The following LCN8 variants were observed in gnomAD, a reference collection of about 807,000 sequenced individuals.
LCN8 encodes epididymal-specific lipocalin-8.
A neutral mutation model predicts 22.8 loss-of-function variants in LCN8; 16 were observed. The ratio of observed to expected loss-of-function variants is 0.70; its 90% CI spans 0.47 to 1.06. The LOEUF (loss-of-function observed/expected upper bound fraction) is 1.06, where lower values mean the gene tolerates loss of function less well. Ranked by LOEUF, LCN8 falls within the 50% of genes least tolerant of loss-of-function variation. The pLI is 0.00. For synonymous variants in LCN8, 92 were observed against 83.4 expected (o/e 1.10, Z -0.56); for missense variants, 189 against 203.3 (o/e 0.93, Z 0.43).
At chr9:136,757,218 C>A in intron 1 of LCN8, 50 bp from the exon 2 acceptor site, 1 of 1,588,926 alleles carries the variant, frequency 6.3e-7, no homozygotes, top group East Asian at 2.3e-5. Context: ...GTCTGAGACC[C>A]CCAGGGGCAT....
At chr9:136,757,230 C>T (rs1200929308) in intron 1 of LCN8, 62 bp from the exon 2 acceptor site, 1 of 1,570,268 alleles carries the variant, frequency 6.4e-7, no homozygotes, top group Non-Finnish European at 8.6e-7. Flanking sequence ...CAGGGGCATT[C>T]CACGAACCCC....
chr9:136,757,648 G>A (rs1287063511), intron 1 of LCN8: 19 of 1,423,476 alleles, frequency 1.3e-5, no homozygotes, highest in South Asian at 4.6e-5. Context: ...CGGGACTTCC[G>A]CTGAGACTTT....
chr9:136,754,602 C>A, intron 6 of LCN8, 93 bp from the exon 7 acceptor site: 2 of 1,498,754 alleles, frequency 1.3e-6, no homozygotes, highest in Non-Finnish European at 1.8e-6. Context: ...CTTCTGTCCT[C>A]GCTGCCTGGT....
chr9:136,756,222 G>C, intron 3 of LCN8: 3 of 1,101,806 alleles, frequency 2.7e-6, no homozygotes, highest in Non-Finnish European at 3.6e-6. Flanking sequence ...ATGGGGAACA[G>C]TGCAGGGAAC....
At chr9:136,754,776 C>A in intron 6 of LCN8, 1 of 1,374,158 alleles carries the variant, frequency 7.3e-7, no homozygotes, top group Non-Finnish European at 9.4e-7. Flanking sequence ...TGTGCCCCGC[C>A]GCCGACGGGA....
At position 136,754,452 on chromosome 9, in the gene LCN8, G is replaced by C; in HGVS notation, c.*46C>G. 6.4e-7 allele frequency: 1 copy of C among 1,554,388 alleles called. No homozygotes were observed. The highest frequency in any genetic ancestry group is 1.2e-5 in the South Asian group (1 of 84,456). The stretch of plus-strand genomic sequence containing the variant: ...TGGGCAGGGTGCCCAGGAGGGGCAG[G>C]GGTGGGCGGGCGCTCCGAACCTTGT... On this transcript the variant is annotated 3_prime_UTR_variant, in exon 7 of 7. Transcript: ENST00000371688.
In LCN8 at chr9:136,758,064, G is replaced by C; in HGVS notation, c.-134C>G. On this transcript the variant is annotated 5_prime_UTR_variant, in exon 1 of 7. Transcript: ENST00000371688. ...GGGCCGATTCTATACGGACAGTGCA[G>C]GCTTGTGCGCCCACCCGGGAATGTC... 2.7e-6 allele frequency: 4 copies of C among 1,508,062 alleles called. No homozygotes were observed. The highest frequency in any genetic ancestry group is 3.6e-6 in the Non-Finnish European group (4 of 1,124,786). The allele number at this position is 1,508,062 out of a possible 1,614,324, so 93.4% of individuals were successfully genotyped here.
At chr9:136,756,054 G>A in intron 3 of LCN8, 1 of 1,297,520 alleles carries the variant, frequency 7.7e-7, no homozygotes, top group Non-Finnish European at 1.0e-6. Context: ...GCAGGGAGCA[G>A]TGCGGGGAAC....
chr9:136,757,088 C>T lies in LCN8; in HGVS notation c.105G>A (p.Leu35=), dbSNP rs146461511. Residue 35 remains leucine, a synonymous_variant, in exon 2 of 7, where the codon TTG becomes TTA. Coordinates refer to ENST00000371688, the MANE Select transcript of LCN8 (RefSeq NM_178469.4). The part of the protein sequence containing the change: ...VLTAPKRVEG[L]FLTLSGSNLT... ...GGTTACTCCCGCTCAAGGTGAGGAA[C>T]AAGCCCTCCACCCGCTTCGGGGCCG... 3.1e-6 allele frequency: 5 copies of T among 1,613,602 alleles called. No homozygotes were observed. The highest frequency in any genetic ancestry group is 3.4e-6 in the Non-Finnish European group (4 of 1,179,858).
At chr9:136,756,472 C>T (rs1847203226) in intron 3 of LCN8, 50 bp downstream of exon 3, 2 of 1,613,980 alleles carry the variant, frequency 1.2e-6, no homozygotes, top group Admixed American at 1.7e-5. Flanking sequence ...TAAGGCCTAG[C>T]TGTGTGCACA....
At chr9:136,756,215 G>A in intron 3 of LCN8, 1 of 1,107,688 alleles carries the variant, frequency 9.0e-7, no homozygotes, top group East Asian at 4.4e-5. Flanking sequence ...GAACAGCATG[G>A]GGAACAGTGC....
In LCN8 at chr9:136,755,500, G is replaced by A. The variant is rs145380406; in HGVS notation, c.243C>T (p.His81=). The A allele has an allele frequency of 1.2e-5, 20 of 1,612,552 alleles. No homozygotes were observed. The highest frequency in any genetic ancestry group is 2.2e-5 in the East Asian group (1 of 44,844). The change falls in exon 4 of 7, where the codon CAC becomes CAT. Residue 81 remains histidine, a synonymous_variant. Transcript: ENST00000371688. Reference sequence around the variant, plus strand: ...AGCCCTCGTAGTCGGTGTCCAGCACGTGGATCTCTCTGTGGCCTTCAAGAG... The same window carrying A: ...AGCCCTCGTAGTCGGTGTCCAGCACATGGATCTCTCTGTGGCCTTCAAGAG... ...KFAFPGHREI[H]VLDTDYEGYA...
rs199795045 is a variant in LCN8 at position 136,757,915 on chromosome 9, G to T, written c.16C>A (p.Arg6=). MEELD[R]QKIGGFWREV... is the part of the protein sequence containing the mutation. ...TAAGAAGGAGAAGCCACCTTCTGCC[G>T]GTCCAGCTCCTCCATGGCTGCTGCC... Residue 6 remains arginine (R), a synonymous_variant, in exon 1 of 7, where the codon CGG becomes AGG. Transcript: ENST00000371688. 24 of 1,613,716 alleles carry T rather than the reference G, an allele frequency of 1.5e-5. No individual in the cohort carries two copies. The highest frequency in any genetic ancestry group is 1.5e-4 in the African/African-American group (11 of 75,050).
At position 136,754,524 on chromosome 9, in the gene LCN8, T is replaced by G; in HGVS notation, c.448-15A>C. The G allele has an allele frequency of 4.5e-6, 7 of 1,551,968 alleles. No individual in the cohort carries two copies. The highest frequency in any genetic ancestry group is 6.1e-6 in the Non-Finnish European group (7 of 1,147,622). On this transcript the variant is annotated splice_polypyrimidine_tract_variant and intron_variant, in intron 6 of 6. Coordinates refer to ENST00000371688, the MANE Select transcript of LCN8 (RefSeq NM_178469.4). ...TAAATCAGCTCCTGCGACACAGAAGTGCAGGGGCTCAGGCCCGTGTGGTCT... is the reference window on the plus strand; with the variant it reads ...TAAATCAGCTCCTGCGACACAGAAGGGCAGGGGCTCAGGCCCGTGTGGTCT...
chr9:136,757,180 C>A lies in LCN8; in HGVS notation c.25-12G>T. On this transcript the variant is annotated splice_polypyrimidine_tract_variant and intron_variant, in intron 1 of 6. Transcript: ENST00000371688. ...CAGAATCCTCCAATCTAGAGAGATACGGAGCCTGGCCAAGAGCTGAGCAGT... is the reference window on the plus strand; with the variant it reads ...CAGAATCCTCCAATCTAGAGAGATAAGGAGCCTGGCCAAGAGCTGAGCAGT... The A allele has an allele frequency of 6.2e-7, 1 of 1,609,342 alleles. No homozygotes were observed. Among genetic ancestry groups the A allele is most frequent in the Non-Finnish European group, 8.5e-7 (1 of 1,177,914 alleles).
Position 136,758,104 on chromosome 9 carries a change from G to A in LCN8, c.-174C>T. 1 of 1,462,858 alleles carries A rather than the reference G, an allele frequency of 6.8e-7. No individual in the cohort carries two copies. The highest frequency in any genetic ancestry group is 9.0e-7 in the Non-Finnish European group (1 of 1,106,320). The allele number at this position is 1,462,858 out of a possible 1,614,324, so 90.6% of individuals were successfully genotyped here. A position where few individuals can be genotyped will look rare whatever the true frequency, so the allele number is the denominator to read the frequency against. Reference sequence around the variant, plus strand: ...CCGGGAATGTCATCAGGACAGCTTGGCTGCTGGCAGCTCAGAGACGTGGGT... The same window carrying A: ...CCGGGAATGTCATCAGGACAGCTTGACTGCTGGCAGCTCAGAGACGTGGGT... On this transcript the variant is annotated 5_prime_UTR_variant, in exon 1 of 7. Transcript: ENST00000371688.
intron 2 of LCN8, 102 bp downstream of exon 2, chr9:136,756,936 C>T (rs1185348245): frequency 1.0e-5 from 14 of 1,352,800 alleles, no homozygotes; most frequent in East Asian, 2.5e-5. Context: ...ACCAGCGGGA[C>T]GGCACTCAGC....
In LCN8 at chr9:136,754,513, C is replaced by A; in HGVS notation, c.448-4G>T. The A allele has an allele frequency of 2.6e-6, 4 of 1,553,672 alleles. No individual in the cohort carries two copies. The highest frequency in any genetic ancestry group is 2.4e-5 in the South Asian group (2 of 84,326). On this transcript the variant is annotated splice_polypyrimidine_tract_variant and splice_region_variant and intron_variant, in intron 6 of 6. Transcript: ENST00000371688. ...AGGAACTCCATTAAATCAGCTCCTG[C>A]GACACAGAAGTGCAGGGGCTCAGGC...
intron 2 of LCN8, 98 bp downstream of exon 2, chr9:136,756,940 A>G: frequency 7.1e-7 from 1 of 1,402,640 alleles, no homozygotes; most frequent in South Asian, 1.3e-5. Flanking sequence ...GCGGGACGGC[A>G]CTCAGCCCAG....
Sources: allele counts gnomAD v4.1 joint callset, GRCh38; gene constraint gnomAD v4.1.1; transcripts MANE v1.5; gene names NCBI Gene and HGNC (gene_info 2026-07-23, HGNC 2026-07-21).